Variants in FLT1 observed in about 807,000 individuals in gnomAD.
The protein encoded by FLT1 is fms related receptor tyrosine kinase 1.
FLT1 carries 49 observed loss-of-function variants against 156.3 expected under a neutral mutation model. The ratio of observed to expected loss-of-function variants is 0.31; its 90% CI spans 0.25 to 0.40. The LOEUF (loss-of-function observed/expected upper bound fraction) is 0.40. FLT1 is among the 10% of genes least tolerant of loss of function. FLT1 has a pLI of 1.00. For synonymous variants in FLT1, 594 were observed against 583.8 expected (o/e 1.02, Z -0.25); for missense variants, 1,322 against 1,637.2 (o/e 0.81, Z 3.32).
intron 1 of FLT1, among the ~76,000 whole-genome samples, chr13:28,484,342 C>T (rs12860111): frequency 6.6e-6 from 1 of 151,988 alleles, no homozygotes; most frequent in Non-Finnish European, 1.5e-5. Flanking sequence ...GCTTTTTCCT[C>T]GGACCTGCCT....
At chr13:28,458,880 TAGA>T (rs1316695842) in intron 3 of FLT1, among the ~76,000 whole-genome samples, 1 of 152,210 alleles carries the variant, frequency 6.6e-6, no homozygotes, top group Non-Finnish European at 1.5e-5. Flanking sequence ...ACTTCAGCCC[TAGA>T]AGGAGTGCAC....
intron 1 of FLT1, among the ~76,000 whole-genome samples, chr13:28,485,723 C>T (rs1881118096): frequency 6.6e-6 from 1 of 152,138 alleles, no homozygotes; most frequent in East Asian, 1.9e-4. Flanking sequence ...TGTGGTAGAG[C>T]GGTGTTGTAG....
chr13:28,448,157 T>C, intron 3 of FLT1, among the ~76,000 whole-genome samples: 1 of 152,162 alleles, frequency 6.6e-6, no homozygotes, highest in Non-Finnish European at 1.5e-5. Context: ...CCACTGCTGG[T>C]GGGAATGTGA....
chr13:28,406,015 C>A, intron 10 of FLT1, 121 bp from the exon 11 acceptor site: 1 of 605,218 alleles, frequency 1.7e-6, no homozygotes, highest in South Asian at 1.9e-5. Flanking sequence ...TATGTGTGAT[C>A]TTCTTTTCCT....
At position 28,467,502 on chromosome 13, in the gene FLT1, A is replaced by G. The variant is rs752130572; in HGVS notation, c.161+19T>C. 3 of 1,542,998 alleles carry G rather than the reference A, an allele frequency of 1.9e-6. No individual in the cohort carries two copies. Among genetic ancestry groups the G allele is most frequent in the Non-Finnish European group, 2.7e-6 (3 of 1,118,982 alleles). The stretch of plus-strand genomic sequence containing the variant: ...AGGCATGGCAACTAGATTATTCCCA[A>G]ACCAACACAGCCACTTACCTGCATT... On this transcript the variant is annotated intron_variant, in intron 2 of 29. Coordinates refer to ENST00000282397, the MANE Select transcript of FLT1 (RefSeq NM_002019.4).
intron 16 of FLT1, among the ~76,000 whole-genome samples, chr13:28,340,868 C>A (rs1318098586): frequency 9.2e-6 from 1 of 108,576 alleles, no homozygotes; most frequent in Non-Finnish European, 2.1e-5. Flanking sequence ...ACGTTTGTCA[C>A]AAACTGTGGT....
rs770598745 is a variant in FLT1, at chr13:28,389,832, C to T, written c.1933G>A (p.Glu645Lys). The change falls in exon 13 of 30, where the codon GAA (glutamate) becomes AAA (lysine). Residue 645 changes from glutamate (E) to lysine (K), a missense_variant. Glu to Lys is a moderately conservative substitution (Grantham distance 56). Transcript: ENST00000282397. The part of the protein sequence containing the change: ...ACRARNVYTG[E>K]EILQKKEITI... ...ATTTCTTTCTTCTGGAGGATTTCTTCCCCTGTGTATACATTCCTGGCTCTG... is the reference window on the plus strand; with the variant it reads ...ATTTCTTTCTTCTGGAGGATTTCTTTCCCTGTGTATACATTCCTGGCTCTG... 8 of 1,614,062 alleles carry T rather than the reference C, an allele frequency of 5.0e-6. No individual in the cohort carries two copies. The Admixed American group carries it at 1.2e-4, about 24-fold the overall frequency.
intron 13 of FLT1, chr13:28,388,061 C>T (rs1487170804): frequency 7.6e-6 from 8 of 1,058,472 alleles, no homozygotes; most frequent in Non-Finnish European, 9.1e-6. Context: ...CTATTAAGGC[C>T]CCCATGTTCT....
Position 28,378,749 on chromosome 13 carries a change from T to C in FLT1, c.2116+6136A>G, listed in dbSNP as rs141662194. On this transcript the variant is annotated intron_variant, in intron 14 of 29. Transcript: ENST00000282397. ...AGAAACCTCGCAGGTGCTTGTTAAGTAAAACAGATCTGTGGAATGTATCTA... is the reference window on the plus strand; with the variant it reads ...AGAAACCTCGCAGGTGCTTGTTAAGCAAAACAGATCTGTGGAATGTATCTA... 1.7e-3 allele frequency among the ~76,000 whole-genome samples: 263 copies of C among 152,282 alleles called. 1 individual carries two copies. The East Asian group carries it at 0.024, about 14-fold the overall frequency.
chr13:28,458,506 C>A (rs1879394175), intron 3 of FLT1, among the ~76,000 whole-genome samples: 1 of 152,122 alleles, frequency 6.6e-6, no homozygotes, highest in African/African-American at 2.4e-5. Flanking sequence ...TGTCCACACA[C>A]CAAGTGCTAA....
At chr13:28,403,602 G>A (rs6491283) in intron 11 of FLT1, among the ~76,000 whole-genome samples, 146,034 of 152,322 alleles carry the variant, frequency 0.96, 70,211 homozygotes, top group East Asian at 1. Context: ...GTTAATATCC[G>A]GCAGTTAACA....
intron 1 of FLT1, among the ~76,000 whole-genome samples, chr13:28,478,369 A>G (rs1417124572): frequency 6.6e-6 from 1 of 152,186 alleles, no homozygotes; most frequent in African/African-American, 2.4e-5. Context: ...TGCTTTCATT[A>G]CTGTTCAGTG....
At position 28,430,041 on chromosome 13, in the gene FLT1, T is replaced by C; in HGVS notation, c.1106+9A>G. On this transcript the variant is annotated intron_variant, in intron 8 of 29. Transcript: ENST00000282397. ...TCTTAAACTGTTATGGAAATAAGGA[T>C]GGTCCTACCATACAACTTCCGGCGA... is the stretch of plus-strand genomic sequence containing the variant. The C allele has an allele frequency of 2.0e-6, 3 of 1,534,326 alleles. No homozygotes were observed. The highest frequency in any genetic ancestry group is 1.1e-5 in the South Asian group (1 of 89,490).
chr13:28,393,984 C>T (rs967420070), intron 12 of FLT1, among the ~76,000 whole-genome samples: 1 of 152,096 alleles, frequency 6.6e-6, no homozygotes, highest in South Asian at 2.1e-4. Flanking sequence ...TTTAGACAGG[C>T]ACTTTTAAAG....
intron 14 of FLT1, among the ~76,000 whole-genome samples, chr13:28,358,448 T>C (rs1419135395): frequency 6.6e-6 from 1 of 152,196 alleles, no homozygotes; most frequent in Non-Finnish European, 1.5e-5. Context: ...GGCAAGCCCA[T>C]GGTACATAGT....
At chr13:28,400,141 G>T (rs1875344704) in intron 11 of FLT1, among the ~76,000 whole-genome samples, 1 of 152,152 alleles carries the variant, frequency 6.6e-6, no homozygotes, top group Non-Finnish European at 1.5e-5. Context: ...GAATAACACA[G>T]ATCTATTGGC....
In FLT1 at chr13:28,302,674, C is replaced by G. The variant is rs1428791395; in HGVS notation, c.*493G>C. The G allele has an allele frequency of 4.2e-6, 1 of 235,706 alleles. No individual in the cohort carries two copies. Among genetic ancestry groups the G allele is most frequent in the Non-Finnish European group, 8.3e-6 (1 of 119,772 alleles). 14.6% of individuals were successfully genotyped at this position (235,706 alleles called of 1,614,324 possible). On this transcript the variant is annotated 3_prime_UTR_variant, in exon 30 of 30. Transcript: ENST00000282397. Reference sequence around the variant, plus strand: ...CTCCCGGTTTCTCTTTTCTCCCTTGCTTTTTGCTTTTTTTCCTTTTCCTCC... The same window carrying G: ...CTCCCGGTTTCTCTTTTCTCCCTTGGTTTTTGCTTTTTTTCCTTTTCCTCC...
Position 28,439,215 on chromosome 13 carries a change from G to GGGAAA in FLT1, c.389-871_389-870insTTTCC. Among the ~76,000 whole-genome samples the GGGAAA allele has an allele frequency of 6.6e-6, 1 of 152,214 alleles. No individual in the cohort carries two copies. The highest frequency in any genetic ancestry group is 1.5e-5 in the Non-Finnish European group (1 of 68,018). On this transcript the variant is annotated intron_variant, in intron 3 of 29. Coordinates refer to ENST00000282397, the MANE Select transcript of FLT1 (RefSeq NM_002019.4). The surrounding 1 kb of genome is among the most constrained non-coding windows in gnomAD (Gnocchi z 4.1). ...CTCAGTCTACCCTGCCCTTGCCCTC[G>GGGAAA]GGAATCTATTGACATCCTCAGGCAA...
rs1871350020 is a variant in FLT1 at position 28,319,477 on chromosome 13, TG to T, written c.3231del (p.Ser1077ArgfsTer19). On this transcript the variant is annotated frameshift_variant, in exon 24 of 30. Transcript: ENST00000282397. LOFTEE classifies it high-confidence loss of function. ...APESIFDKIYSTKSDVWSYGV... is the reference protein window; with the variant it reads ...APESIFDKIYXTKSDVWSYGV... Reference sequence around the variant, plus strand: ...CCGTAAGACCACACGTCGCTCTTGGTGCTGTAGATTTTGTCAAAGATAGATT... The same window carrying T: ...CCGTAAGACCACACGTCGCTCTTGGTCTGTAGATTTTGTCAAAGATAGATT... 1 of 1,613,928 alleles carries T rather than the reference TG, an allele frequency of 6.2e-7. No homozygotes were observed. Among genetic ancestry groups the T allele is most frequent in the African/African-American group, 1.3e-5 (1 of 74,908 alleles).
Sources: gnomAD v4.1 joint callset for allele counts (sites outside exome capture counted in the v4.1 genomes callset) on GRCh38, gnomAD v4.1.1 for gene constraint, Gnocchi (gnomAD v3.1) non-coding constraint, MANE v1.5 for transcripts, NCBI Gene and HGNC (gene_info 2026-07-23, HGNC 2026-07-21) for gene names.